CAMTA1: variants seen among roughly 807,000 people sequenced by gnomAD.
The protein encoded by CAMTA1 is calmodulin binding transcription activator 1.
In CAMTA1, 27 loss-of-function variants were observed where a neutral mutation model predicts 170.9. That is an observed-to-expected ratio of 0.16 (90% confidence interval 0.12 to 0.22). CAMTA1 has a LOEUF of 0.22. CAMTA1 is among the 10% of genes least tolerant of loss of function. The probability of loss-of-function intolerance (pLI) is 1.00; values close to 1 mark genes in which losing one functional copy is unlikely to be tolerated. For missense variants in CAMTA1, 1,619 were observed against 2,217.2 expected (o/e 0.73, Z 5.42); for synonymous variants, 833 against 891.5 (o/e 0.93, Z 1.17).
chr1:7,283,216 C>T (rs374713834), intron 5 of CAMTA1, among the ~76,000 whole-genome samples: 1 of 152,160 alleles, frequency 6.6e-6, no homozygotes, highest in Non-Finnish European at 1.5e-5. Context: ...CACACTGCCA[C>T]CCCAACTACA....
chr1:7,619,731 C>A (rs990498378), intron 6 of CAMTA1, among the ~76,000 whole-genome samples: 13 of 151,474 alleles, frequency 8.6e-5, no homozygotes, highest in African/African-American at 2.9e-4. Flanking sequence ...CTCACTGCAA[C>A]CTCCGCCTCC....
chr1:6,909,626 C>T (rs1300147697), intron 3 of CAMTA1, among the ~76,000 whole-genome samples: 1 of 152,202 alleles, frequency 6.6e-6, no homozygotes, highest in Non-Finnish European at 1.5e-5. Flanking sequence ...GCTCTGGTCT[C>T]CTAAGGGGCC....
intron 6 of CAMTA1, among the ~76,000 whole-genome samples, chr1:7,569,648 C>T (rs555756131): frequency 1.3e-5 from 2 of 150,968 alleles, no homozygotes; most frequent in African/African-American, 2.5e-5. Context: ...ATCACTATCA[C>T]CATCATCATA....
chr1:7,467,915 A>T lies in CAMTA1; in HGVS notation c.510+14A>T. 6.2e-7 allele frequency: 1 copy of T among 1,607,772 alleles called. No individual in the cohort carries two copies. The highest frequency in any genetic ancestry group is 2.2e-5 in the East Asian group (1 of 44,804). ...TGGCTCCTTCAGGTAGGTGGCTGGG[A>T]CTGGATTCTTCTTCTGTCTCTGGTG... is the stretch of plus-strand genomic sequence containing the variant. On this transcript the variant is annotated intron_variant, in intron 6 of 22. Coordinates refer to ENST00000303635, the MANE Select transcript of CAMTA1 (RefSeq NM_015215.4).
rs746352851 is a variant in CAMTA1, at chr1:7,481,770, A to G, written c.510+13869A>G. Among the ~76,000 whole-genome samples, 8 of 151,498 alleles carry G rather than the reference A, an allele frequency of 5.3e-5. 1 individual carries two copies. Among genetic ancestry groups the G allele is most frequent in the Non-Finnish European group, 7.4e-5 (5 of 67,998 alleles). ...CCCCAAGTCTTTCAAGGTGCATAGCATTAACCAAAGTTCAATATTTGCATA... is the reference window on the plus strand; with the variant it reads ...CCCCAAGTCTTTCAAGGTGCATAGCGTTAACCAAAGTTCAATATTTGCATA... On this transcript the variant is annotated intron_variant, in intron 6 of 22. Coordinates refer to ENST00000303635, the MANE Select transcript of CAMTA1 (RefSeq NM_015215.4).
intron 6 of CAMTA1, among the ~76,000 whole-genome samples, chr1:7,541,860 A>T (rs2094615514): frequency 1.4e-5 from 2 of 141,486 alleles, no homozygotes; most frequent in Non-Finnish European, 3.1e-5. Context: ...CGCTGACCAC[A>T]CTGACGTGTT....
At chr1:7,172,821 G>A (rs1649940946) in intron 4 of CAMTA1, among the ~76,000 whole-genome samples, 1 of 152,198 alleles carries the variant, frequency 6.6e-6, no homozygotes, top group African/African-American at 2.4e-5. Context: ...TGGAGGGTGA[G>A]GCGTGAGGGG....
At chr1:6,822,211 G>A (rs1646567624) in intron 2 of CAMTA1, among the ~76,000 whole-genome samples, 2 of 152,052 alleles carry the variant, frequency 1.3e-5, no homozygotes, top group Admixed American at 1.3e-4. Flanking sequence ...ACTATTATTA[G>A]GATTTGAAAA....
At chr1:7,717,276 A>G (rs2096617359) in intron 11 of CAMTA1, among the ~76,000 whole-genome samples, 1 of 152,172 alleles carries the variant, frequency 6.6e-6, no homozygotes, top group African/African-American at 2.4e-5. Context: ...CCCTCACCAC[A>G]AAAATGATAG....
chr1:7,117,935 A>G (rs1182385470), intron 4 of CAMTA1, among the ~76,000 whole-genome samples: 1 of 152,086 alleles, frequency 6.6e-6, no homozygotes, highest in Non-Finnish European at 1.5e-5. Flanking sequence ...TTCTTCCTAC[A>G]GAACTCCTCT....
At chr1:6,962,543 A>C (rs1572060391) in intron 3 of CAMTA1, among the ~76,000 whole-genome samples, 4 of 111,762 alleles carry the variant, frequency 3.6e-5, no homozygotes, top group Admixed American at 1.0e-4. Flanking sequence ...GGTCCCATCC[A>C]CCCATCTTGC....
At position 7,340,607 on chromosome 1, in the gene CAMTA1, G is replaced by A. The variant is rs77485534; in HGVS notation, c.438+90981G>A. On this transcript the variant is annotated intron_variant, in intron 5 of 22. Coordinates refer to ENST00000303635, the MANE Select transcript of CAMTA1 (RefSeq NM_015215.4). ...CTTCCATCCTTCCTGGCTTCCATCC[G>A]TCACCTATCCATTTATGCATTAATT... 8.5e-3 allele frequency among the ~76,000 whole-genome samples: 1,053 copies of A among 124,036 alleles called. 11 individuals are homozygous for A. The highest frequency in any genetic ancestry group is 0.031 in the African/African-American group (990 of 32,376). The allele number at this position is 124,036 out of a possible 152,430, so 81.4% of individuals were successfully genotyped here.
intron 5 of CAMTA1, among the ~76,000 whole-genome samples, chr1:7,261,681 C>T (rs1427052676): frequency 6.6e-6 from 1 of 152,194 alleles, no homozygotes; most frequent in Non-Finnish European, 1.5e-5. Context: ...TCAGGGAGGG[C>T]TTTGCTGAAG....
chr1:7,416,482 C>A (rs1294543528), intron 5 of CAMTA1, among the ~76,000 whole-genome samples: 1 of 152,106 alleles, frequency 6.6e-6, no homozygotes, highest in East Asian at 1.9e-4. Flanking sequence ...TTTCTCTAAA[C>A]TTCTCTTCTC....
chr1:7,204,753 G>A (rs914300916), intron 4 of CAMTA1, among the ~76,000 whole-genome samples: 2 of 149,468 alleles, frequency 1.3e-5, no homozygotes, highest in African/African-American at 4.9e-5. Context: ...TGGACTATTA[G>A]AGTCTCCAAA....
chr1:6,800,176 C>T (rs982256893), intron 1 of CAMTA1, among the ~76,000 whole-genome samples: 5 of 151,950 alleles, frequency 3.3e-5, no homozygotes, highest in Middle Eastern at 3.2e-3. Flanking sequence ...GAGGCCGAGA[C>T]GGGAGGATTG....
chr1:6,964,582 A>C (rs919284349), intron 3 of CAMTA1, among the ~76,000 whole-genome samples: 3 of 152,152 alleles, frequency 2.0e-5, no homozygotes, highest in Non-Finnish European at 2.9e-5. Context: ...GTCCATATGG[A>C]CACTTTATAC....
chr1:7,518,932 TGGG>T (rs1398063025), intron 6 of CAMTA1, among the ~76,000 whole-genome samples: 1 of 151,982 alleles, frequency 6.6e-6, no homozygotes, highest in Non-Finnish European at 1.5e-5. Context: ...TGGGATGGCT[TGGG>T]TCCCCAGGGG....
At chr1:7,276,582 T>G (rs964400313) in intron 5 of CAMTA1, among the ~76,000 whole-genome samples, 1 of 151,954 alleles carries the variant, frequency 6.6e-6, no homozygotes, top group Non-Finnish European at 1.5e-5. Flanking sequence ...GTGCTGGGAT[T>G]ACAGGTGTGA....
Sources: allele counts gnomAD v4.1 joint callset (sites outside exome capture counted in the v4.1 genomes callset), GRCh38; gene constraint gnomAD v4.1.1; transcripts MANE v1.5; gene names NCBI Gene and HGNC (gene_info 2026-07-23, HGNC 2026-07-21).